The following SNRNP200 variants were observed in gnomAD, a reference collection of about 807,000 sequenced individuals.
The protein encoded by SNRNP200 is U5 small nuclear ribonucleoprotein 200 kDa helicase.
A neutral mutation model predicts 255.2 loss-of-function variants in SNRNP200; 66 were observed. That is an observed-to-expected ratio of 0.26 (90% CI 0.21 to 0.32). The LOEUF (loss-of-function observed/expected upper bound fraction) is 0.32. Ranked by LOEUF, SNRNP200 falls within the 10% of genes least tolerant of loss-of-function variation. The pLI is 1.00. For synonymous variants in SNRNP200, 939 were observed against 1,027.8 expected (o/e 0.91, Z 1.65); for missense variants, 1,585 against 2,749.8 (o/e 0.58, Z 9.47).
At position 96,296,710 on chromosome 2, in the gene SNRNP200, A is replaced by G; in HGVS notation, c.1516-19T>C. 6.2e-7 allele frequency: 1 copy of G among 1,614,004 alleles called. No homozygotes were observed. The highest frequency in any genetic ancestry group is 8.5e-7 in the Non-Finnish European group (1 of 1,179,898). On this transcript the variant is annotated intron_variant, in intron 12 of 44. Coordinates refer to ENST00000323853, the MANE Select transcript of SNRNP200 (RefSeq NM_014014.5). ...CAGCACCCTACGGGAGAGGTCAGGG[A>G]TGAGAACGCCTATTCACCTGGTTAT...
chr2:96,275,418 TAC>T, intron 43 of SNRNP200, 69 bp from the exon 44 acceptor site: 8 of 1,311,002 alleles, frequency 6.1e-6, no homozygotes, highest in South Asian at 4.7e-5. Context: ...ATGAAAATGG[TAC>T]AGTTACAAAA....
In SNRNP200 at chr2:96,304,918, CCTA is replaced by C. The variant is rs770871192; in HGVS notation, c.46-53_46-51del. Reference sequence around the variant, plus strand: ...AGCTTTGACATGAGCAGGGCCAATTCCTACTATCATAGTTACCCCAGCTGATGG... The same window carrying C: ...AGCTTTGACATGAGCAGGGCCAATTCCTATCATAGTTACCCCAGCTGATGG... On this transcript the variant is annotated intron_variant, in intron 1 of 44. Coordinates refer to ENST00000323853, the MANE Select transcript of SNRNP200 (RefSeq NM_014014.5). 30 of 1,590,900 alleles carry C rather than the reference CCTA, an allele frequency of 1.9e-5. 2 individuals carry two copies. Among genetic ancestry groups the C allele is most frequent in the Admixed American group, 8.9e-5 (5 of 56,372 alleles).
At position 96,293,528 on chromosome 2, in the gene SNRNP200, G is replaced by T; in HGVS notation, c.1843-19C>A. On this transcript the variant is annotated intron_variant, in intron 14 of 44. Coordinates refer to ENST00000323853, the MANE Select transcript of SNRNP200 (RefSeq NM_014014.5). Reference sequence around the variant, plus strand: ...TCTCATCCTACGGAATTGGAGGACAGAAATTACCTCTAGCACTAGAGATAC... The same window carrying T: ...TCTCATCCTACGGAATTGGAGGACATAAATTACCTCTAGCACTAGAGATAC... 1.2e-6 allele frequency: 2 copies of T among 1,606,920 alleles called. No homozygotes were observed. The highest frequency in any genetic ancestry group is 8.5e-7 in the Non-Finnish European group (1 of 1,175,392).
At position 96,290,243 on chromosome 2, in the gene SNRNP200, G is replaced by A. The variant is rs74846888; in HGVS notation, c.2742+83C>T. The stretch of plus-strand genomic sequence containing the variant: ...GGAAGGCCTCGGACGCTGCTGGCCC[G>A]CAGCACAATAGGGACCGACCCACTC... On this transcript the variant is annotated intron_variant, in intron 20 of 44. Coordinates refer to ENST00000323853, the MANE Select transcript of SNRNP200 (RefSeq NM_014014.5). The surrounding 1 kb of genome is among the most constrained non-coding windows in gnomAD (Gnocchi z 4.5). 0.015 allele frequency: 22,633 copies of A among 1,467,006 alleles called. 239 individuals are homozygous for A. The highest frequency in any genetic ancestry group is 0.024 in the South Asian group (2,075 of 87,582). The allele number at this position is 1,467,006 out of a possible 1,614,324, so 90.9% of individuals were successfully genotyped here. A position where few individuals can be genotyped will look rare whatever the true frequency, so the allele number is the denominator to read the frequency against.
chr2:96,286,459 G>A lies in SNRNP200; in HGVS notation c.3855C>T (p.Ser1285=). 6.2e-7 allele frequency: 1 copy of A among 1,614,178 alleles called. No homozygotes were observed. Among genetic ancestry groups the A allele is most frequent in the Middle Eastern group, 1.7e-4 (1 of 6,054 alleles). Residue 1285 remains serine (S), a synonymous_variant, in exon 29 of 45, where the codon TCC becomes TCT. Coordinates refer to ENST00000323853, the MANE Select transcript of SNRNP200 (RefSeq NM_014014.5). The surrounding 1 kb of genome is among the most constrained non-coding windows in gnomAD (Gnocchi z 4.8). The part of the protein sequence containing the change: ...WLSCETQLPV[S]FRHLILPEKY... ...TCTCCGGCAAGATCAGGTGCCGGAAGGAGACAGGCAGCTGGGTCTCACAAG... is the reference window on the plus strand; with the variant it reads ...TCTCCGGCAAGATCAGGTGCCGGAAAGAGACAGGCAGCTGGGTCTCACAAG...
chr2:96,298,766 C>T (rs1346208890), intron 7 of SNRNP200, 49 bp downstream of exon 7: 1 of 1,613,948 alleles, frequency 6.2e-7, no homozygotes. Flanking sequence ...ACGCTGTCCC[C>T]ATGTGCTAAG....
At chr2:96,284,798 G>A (rs2063832968) in intron 30 of SNRNP200, 3 of 575,276 alleles carry the variant, frequency 5.2e-6, no homozygotes, top group Middle Eastern at 4.7e-4. Context: ...TGCCCAGGCT[G>A]GAGTGCAGTG....
In SNRNP200 at chr2:96,274,485, GCT is replaced by G. The variant is rs1684619085; in HGVS notation, c.*525_*526del. 5.8e-6 allele frequency: 1 copy of G among 171,480 alleles called. No individual in the cohort carries two copies. The highest frequency in any genetic ancestry group is 1.5e-4 in the East Asian group (1 of 6,468). 10.6% of individuals were successfully genotyped at this position (171,480 alleles called of 1,614,324 possible). On this transcript the variant is annotated 3_prime_UTR_variant, in exon 45 of 45. Coordinates refer to ENST00000323853, the MANE Select transcript of SNRNP200 (RefSeq NM_014014.5). ...CCTAACCTGTGATCTAGCTTCCGAG[GCT>G]CAGTGTTGGTTCTTGTGGTAGTGCT...
chr2:96,303,474 G>A (rs577034386), intron 2 of SNRNP200, 144 bp from the exon 3 acceptor site: 26 of 1,019,396 alleles, frequency 2.6e-5, no homozygotes, highest in South Asian at 1.0e-4. Flanking sequence ...AAATGATTCC[G>A]TTTGGCCTTA....
rs771801392 is a variant in SNRNP200 at position 96,278,880 on chromosome 2, G to A, written c.5252C>T (p.Ala1751Val). The A allele has an allele frequency of 6.2e-7, 1 of 1,614,202 alleles. No individual in the cohort carries two copies. ...AAAGGTCCAGGTGAGGTAGTCCACA[G>A]CATCCTGCTTGTTCTCAATGGTCTT... ...VTKTIENKQD[A>V]VDYLTWTFLY... is the part of the protein sequence containing the mutation. Residue 1751 changes from alanine to valine, a missense_variant, in exon 37 of 45, where the codon GCT becomes GTT. By Grantham distance (64) the Ala-to-Val change is moderately conservative. Around this residue, in one of 9 missense-constraint regions of SNRNP200, gnomAD observed 279 missense variants for 551.2 expected, o/e 0.51. Coordinates refer to ENST00000323853, the MANE Select transcript of SNRNP200 (RefSeq NM_014014.5). The surrounding 1 kb of genome is among the most constrained non-coding windows in gnomAD (Gnocchi z 6.9).
In SNRNP200 at chr2:96,291,536, T is replaced by C; in HGVS notation, c.2311-34A>G. 1 of 1,429,814 alleles carries C rather than the reference T, an allele frequency of 7.0e-7. No individual in the cohort carries two copies. Among genetic ancestry groups the C allele is most frequent in the Non-Finnish European group, 9.9e-7 (1 of 1,012,152 alleles). The allele number at this position is 1,429,814 out of a possible 1,614,324, so 88.6% of individuals were successfully genotyped here. A position where few individuals can be genotyped will look rare whatever the true frequency, so the allele number is the denominator to read the frequency against. ...CAAAGAACCGGGGATGAGGCGAGCCTTCCTGTAGGACTCATCCAAGGACTA... is the reference window on the plus strand; with the variant it reads ...CAAAGAACCGGGGATGAGGCGAGCCCTCCTGTAGGACTCATCCAAGGACTA... On this transcript the variant is annotated intron_variant, in intron 17 of 44. Coordinates refer to ENST00000323853, the MANE Select transcript of SNRNP200 (RefSeq NM_014014.5). This position sits in a 1 kb window ranked among gnomAD's most constrained non-coding sequence, Gnocchi z 4.2.
At chr2:96,284,898 C>T (rs1259749596) in intron 30 of SNRNP200, 3 of 530,032 alleles carry the variant, frequency 5.7e-6, no homozygotes, top group Non-Finnish European at 1.0e-5. Flanking sequence ...TACAGGCGCA[C>T]ACCACCACGC....
Position 96,277,833 on chromosome 2 carries a change from A to C in SNRNP200, c.5728T>G (p.Ser1910Ala). The C allele has an allele frequency of 6.2e-7, 1 of 1,614,236 alleles. No homozygotes were observed. The highest frequency in any genetic ancestry group is 8.5e-7 in the Non-Finnish European group (1 of 1,180,044). The change falls in exon 40 of 45, where the codon TCA (serine) becomes GCA (alanine). Residue 1910 changes from serine to alanine, a missense_variant. By Grantham distance (99) the Ser-to-Ala change is moderately conservative (BLOSUM62 1). Around this residue, in one of 9 missense-constraint regions of SNRNP200, gnomAD observed 279 missense variants for 551.2 expected, o/e 0.51. Transcript: ENST00000323853. The surrounding 1 kb of genome is among the most constrained non-coding windows in gnomAD (Gnocchi z 4.4). Reference sequence around the variant, plus strand: ...TTACTAAGGATTTCCTCCGTATCTGACTGCAACTCAGCACTCAGCTGCATG... The same window carrying C: ...TTACTAAGGATTTCCTCCGTATCTGCCTGCAACTCAGCACTCAGCTGCATG... ...SRMQLSAELQ[S>A]DTEEILSKAI...
chr2:96,289,767 G>A, intron 21 of SNRNP200, 32 bp downstream of exon 21: 1 of 1,609,700 alleles, frequency 6.2e-7, no homozygotes, highest in Non-Finnish European at 8.5e-7. Context: ...CTTTTGCTGA[G>A]ACCTTTGCCT....
chr2:96,285,462 C>A (rs1486973915), intron 29 of SNRNP200, 122 bp from the exon 30 acceptor site: 3 of 1,123,294 alleles, frequency 2.7e-6, no homozygotes, highest in Non-Finnish European at 3.9e-6. Flanking sequence ...TTCTGGAGTG[C>A]AGACAGAGGA....
chr2:96,299,298 G>A lies in SNRNP200; in HGVS notation c.729+31C>T, dbSNP rs372152217. 1.0e-5 allele frequency: 16 copies of A among 1,590,962 alleles called. No homozygotes were observed. In the African/African-American group the frequency reaches 1.3e-4, roughly 13 times the overall value. On this transcript the variant is annotated intron_variant, in intron 6 of 44. Coordinates refer to ENST00000323853, the MANE Select transcript of SNRNP200 (RefSeq NM_014014.5). The stretch of plus-strand genomic sequence containing the variant: ...AGCACTAACACCCAGAAGTAACCTT[G>A]TAGCAATGAGGAAGAGCAAACTGAA...
intron 2 of SNRNP200, among the ~76,000 whole-genome samples, chr2:96,303,759 G>A (rs978101073): frequency 6.6e-6 from 1 of 151,878 alleles, no homozygotes; most frequent in African/African-American, 2.4e-5. Context: ...GCACAGTGGC[G>A]AGCGCCTGTA....
In SNRNP200 at chr2:96,291,879, G is replaced by A. The variant is rs773041177; in HGVS notation, c.2182C>T (p.Arg728Trp). 8.7e-6 allele frequency: 14 copies of A among 1,613,978 alleles called. No individual in the cohort carries two copies. The highest frequency in any genetic ancestry group is 3.3e-5 in the Admixed American group (2 of 59,998). ...KNQVLVFVHS[R>W]KETGKTARAI... The stretch of plus-strand genomic sequence containing the variant: ...CTGGCTGTCTTTCCAGTCTCCTTCC[G>A]GGAGTGGACAAACACCAGCACCTAA... Residue 728 changes from arginine (R) to tryptophan (W), a missense_variant, in exon 17 of 45, where the codon CGG becomes TGG. This residue lies in a region of SNRNP200 where 140 missense variants were observed against 274.9 expected (regional missense o/e 0.51). Coordinates refer to ENST00000323853, the MANE Select transcript of SNRNP200 (RefSeq NM_014014.5). This position sits in a 1 kb window ranked among gnomAD's most constrained non-coding sequence, Gnocchi z 4.2.
At chr2:96,305,145 G>A (rs2063979353) in intron 1 of SNRNP200, among the ~76,000 whole-genome samples, 1 of 152,172 alleles carries the variant, frequency 6.6e-6, no homozygotes, top group Non-Finnish European at 1.5e-5. Flanking sequence ...TGGGTTGGGA[G>A]TGACGTGTGG....
Sources: gnomAD v4.1 joint callset for allele counts (sites outside exome capture counted in the v4.1 genomes callset) on GRCh38, gnomAD v4.1.1 for gene constraint, gnomAD v4.1.1 regional missense constraint, Gnocchi (gnomAD v3.1) non-coding constraint, MANE v1.5 for transcripts, NCBI Gene and HGNC (gene_info 2026-07-23, HGNC 2026-07-21) for gene names.